Variants in ARRB1 observed in about 807,000 individuals in gnomAD.
ARRB1 encodes arrestin beta 1, also known as beta-arrestin-1.
A neutral mutation model predicts 56.8 loss-of-function variants in ARRB1; 21 were observed. The ratio of observed to expected loss-of-function variants is 0.37; its 90% CI spans 0.26 to 0.53. The LOEUF is 0.53. ARRB1 is among the 20% of genes least tolerant of loss of function. ARRB1 has a pLI of 0.88. For missense variants in ARRB1, 424 were observed against 553.7 expected (o/e 0.77, Z 2.35); for synonymous variants, 210 against 218.6 (o/e 0.96, Z 0.35).
intron 9 of ARRB1, 108 bp from the exon 10 acceptor site, chr11:75,277,019 G>A (rs1400150445): frequency 6.4e-6 from 7 of 1,100,102 alleles, no homozygotes; most frequent in Non-Finnish European, 9.6e-6. Flanking sequence ...ATGGCCAGAG[G>A]CCACCAGTGG....
intron 1 of ARRB1, among the ~76,000 whole-genome samples, chr11:75,339,917 G>C (rs1947669475): frequency 6.6e-6 from 1 of 152,196 alleles, no homozygotes; most frequent in Non-Finnish European, 1.5e-5. Flanking sequence ...CGGGGAGATA[G>C]TGTTCCATGT....
At chr11:75,320,236 C>T (rs898541564) in intron 1 of ARRB1, among the ~76,000 whole-genome samples, 6 of 152,148 alleles carry the variant, frequency 3.9e-5, no homozygotes, top group African/African-American at 9.7e-5. Context: ...AGCCCCAGGC[C>T]GGAGAGGATG....
At chr11:75,290,696 C>T (rs986883187) in intron 1 of ARRB1, among the ~76,000 whole-genome samples, 2 of 152,214 alleles carry the variant, frequency 1.3e-5, no homozygotes, top group African/African-American at 4.8e-5. Context: ...GATCCTCCTG[C>T]TCAGCCTCTC....
At chr11:75,289,878 C>T (rs148059114) in intron 2 of ARRB1, 131 bp downstream of exon 2, 53 of 1,312,462 alleles carry the variant, frequency 4.0e-5, no homozygotes, top group African/African-American at 2.6e-4. Flanking sequence ...ACCCCTAAGA[C>T]GGGGAGCAGC....
intron 9 of ARRB1, 61 bp downstream of exon 9, chr11:75,277,303 C>A (rs1366608725): frequency 2.0e-6 from 3 of 1,529,172 alleles, no homozygotes; most frequent in East Asian, 4.5e-5. Context: ...CTTCAGCCAC[C>A]CCCAGCCCTT....
intron 10 of ARRB1, among the ~76,000 whole-genome samples, chr11:75,275,116 A>ATTTTTT (rs1257066994): frequency 1.1e-4 from 6 of 53,698 alleles, no homozygotes; most frequent in African/African-American, 3.4e-4. Context: ...AAACAAATTT[A>ATTTTTT]ATTTAAATTT....
At chr11:75,339,506 G>C (rs911573302) in intron 1 of ARRB1, among the ~76,000 whole-genome samples, 24 of 152,184 alleles carry the variant, frequency 1.6e-4, no homozygotes, top group African/African-American at 5.8e-4. Context: ...TCTGCTGAAG[G>C]AAGTCAGTCC....
chr11:75,291,863 C>T (rs1946618926), intron 1 of ARRB1, among the ~76,000 whole-genome samples: 1 of 152,198 alleles, frequency 6.6e-6, no homozygotes, highest in Non-Finnish European at 1.5e-5. Context: ...AGTCCTCCCC[C>T]AGGAGCACAG....
chr11:75,306,566 T>G, intron 1 of ARRB1: 7 of 1,277,570 alleles, frequency 5.5e-6, no homozygotes, highest in Non-Finnish European at 6.1e-6. Context: ...ATTTTACAGA[T>G]GAGAGCCCAA....
chr11:75,340,354 G>A (rs757906770), intron 1 of ARRB1, among the ~76,000 whole-genome samples: 7 of 152,214 alleles, frequency 4.6e-5, no homozygotes, highest in East Asian at 1.9e-4. Flanking sequence ...CAGTGTGGGC[G>A]GCACTACCAC....
Position 75,286,255 on chromosome 11 carries a change from C to CTTTTTTTTTTT in ARRB1, c.112+1049_112+1059dup, listed in dbSNP as rs60988072. On this transcript the variant is annotated intron_variant, in intron 3 of 15. Transcript: ENST00000420843. ...CTAGGCCTCACTTTGATTTGCTCAT[C>CTTTTTTTTTTT]TTTTTTTTTTTTTTTTTTTTTTTTT... Among the ~76,000 whole-genome samples the CTTTTTTTTTTT allele has an allele frequency of 5.7e-4, 22 of 38,678 alleles. 4 individuals are homozygous for CTTTTTTTTTTT. Among genetic ancestry groups the CTTTTTTTTTTT allele is most frequent in the African/African-American group, 2.4e-3 (22 of 9,246 alleles). The allele number at this position is 38,678 out of a possible 152,430, so 25.4% of individuals were successfully genotyped here.
rs905990863 is a variant in ARRB1, at chr11:75,271,836, A to G, written c.999-112T>C. ...GCTGTCCCCCGGATAGAGAAGACCC[A>G]CGGGACACACTCCCACCCACCCCCC... On this transcript the variant is annotated intron_variant, in intron 12 of 15. Coordinates refer to ENST00000420843, the MANE Select transcript of ARRB1 (RefSeq NM_004041.5). 26 of 1,183,904 alleles carry G rather than the reference A, an allele frequency of 2.2e-5. No individual in the cohort carries two copies. The African/African-American group carries it at 4.0e-4, about 18-fold the overall frequency. 73.3% of individuals were successfully genotyped at this position (1,183,904 alleles called of 1,614,324 possible).
intron 1 of ARRB1, among the ~76,000 whole-genome samples, chr11:75,299,336 T>G (rs1038191015): frequency 6.6e-6 from 1 of 152,078 alleles, no homozygotes; most frequent in Non-Finnish European, 1.5e-5. Context: ...ACCCACACGC[T>G]TCTTTATACC....
chr11:75,338,037 A>G (rs942006583), intron 1 of ARRB1, among the ~76,000 whole-genome samples: 2 of 152,120 alleles, frequency 1.3e-5, no homozygotes, highest in Admixed American at 1.3e-4. Context: ...AGAGGCGTGA[A>G]AAGTACAAAG....
At chr11:75,287,512 T>C in intron 2 of ARRB1, 137 bp from the exon 3 acceptor site, 1 of 812,156 alleles carries the variant, frequency 1.2e-6, no homozygotes. Flanking sequence ...TAAGTGGACT[T>C]GGGCCTTCAC....
intron 1 of ARRB1, among the ~76,000 whole-genome samples, chr11:75,299,119 G>A (rs1946833444): frequency 6.6e-6 from 1 of 151,664 alleles, no homozygotes; most frequent in African/African-American, 2.4e-5. Context: ...TCTTTGGGAG[G>A]TGATGAAAAT....
rs1250905159 is a variant in ARRB1, at chr11:75,264,529, T to C, written c.*1634A>G. 6.6e-6 allele frequency: 1 copy of C among 152,262 alleles called. No homozygotes were observed. The allele number at this position is 152,262 out of a possible 1,614,324, so 9.4% of individuals were successfully genotyped here. A position where few individuals can be genotyped will look rare whatever the true frequency, so the allele number is the denominator to read the frequency against. Reference sequence around the variant, plus strand: ...CTCCTTGGGCAACTCATGCTACCTATGGCCACAGCCTGACATCAATCCCTT... The same window carrying C: ...CTCCTTGGGCAACTCATGCTACCTACGGCCACAGCCTGACATCAATCCCTT... On this transcript the variant is annotated 3_prime_UTR_variant, in exon 16 of 16. Transcript: ENST00000420843.
At position 75,281,267 on chromosome 11, in the gene ARRB1, C is replaced by A. The variant is rs964918923; in HGVS notation, c.415-125G>T. The A allele has an allele frequency of 3.5e-5, 32 of 910,276 alleles. No homozygotes were observed. In the Admixed American group the frequency reaches 6.7e-4, roughly 19 times the overall value. The allele number at this position is 910,276 out of a possible 1,614,324, so 56.4% of individuals were successfully genotyped here. On this transcript the variant is annotated intron_variant, in intron 6 of 15. Transcript: ENST00000420843. ...GAACACCAAGCTCCCACAGCCCAGCCTTCCTTGGTCTGGAAGAAGCGGGGG... is the reference window on the plus strand; with the variant it reads ...GAACACCAAGCTCCCACAGCCCAGCATTCCTTGGTCTGGAAGAAGCGGGGG...
In ARRB1 at chr11:75,277,459, T is replaced by G. The variant is rs901400872; in HGVS notation, c.619-11A>C. The G allele has an allele frequency of 3.1e-6, 5 of 1,613,322 alleles. No homozygotes were observed. The highest frequency in any genetic ancestry group is 1.7e-5 in the Admixed American group (1 of 59,998). ...TCCATGGTAATAGATCTGGGGGGCA[T>G]AAGAAGGGACGGGGTTGGCTGGGAG... On this transcript the variant is annotated splice_polypyrimidine_tract_variant and intron_variant, in intron 8 of 15. Transcript: ENST00000420843.
Sources: allele counts gnomAD v4.1 joint callset (sites outside exome capture counted in the v4.1 genomes callset), GRCh38; gene constraint gnomAD v4.1.1; transcripts MANE v1.5; gene names NCBI Gene and HGNC (gene_info 2026-07-23, HGNC 2026-07-21).